Variants in NGEF observed in about 807,000 individuals in gnomAD.
NGEF encodes the protein ephexin-1.
Under a neutral mutation model 80.9 loss-of-function variants are expected in NGEF, and 31 were observed. The observed-to-expected ratio is 0.38, with a 90% CI of 0.29 to 0.52. The LOEUF (loss-of-function observed/expected upper bound fraction) is 0.52, where lower values mean the gene tolerates loss of function less well. Among genes scored for constraint, NGEF ranks in the 20% least tolerant of loss-of-function variants. The pLI, the probability that NGEF is intolerant of heterozygous loss-of-function variation, is 0.84. For missense variants in NGEF, 709 were observed against 926.2 expected, an observed-to-expected ratio of 0.77 and a Z score of 3.04; for synonymous variants, 371 against 370.2, an observed-to-expected ratio of 1.00 and a Z score of -0.03.
At chr2:232,905,711 G>A (rs896379227) in intron 5 of NGEF, 27 of 398,272 alleles carry the variant, frequency 6.8e-5, no homozygotes, top group African/African-American at 4.8e-4. Context: ...ATCTCCGCCC[G>A]GCCGCCCATC....
intron 5 of NGEF, among the ~76,000 whole-genome samples, chr2:232,896,541 G>T (rs1236372384): frequency 2.3e-5 from 3 of 130,270 alleles, no homozygotes; most frequent in Admixed American, 7.8e-5. Context: ...GGGGGTGAGG[G>T]TAGGGGTGAG....
chr2:232,906,366 C>T (rs1217282250), intron 5 of NGEF, among the ~76,000 whole-genome samples: 8 of 128,342 alleles, frequency 6.2e-5, no homozygotes, highest in African/African-American at 1.7e-4. Context: ...GCCCCCCGCC[C>T]GGCCAGCCGC....
chr2:232,975,516 TC>T (rs760163050), intron 1 of NGEF, among the ~76,000 whole-genome samples: 1 of 150,992 alleles, frequency 6.6e-6, no homozygotes, highest in Non-Finnish European at 1.5e-5. Context: ...AAGAATAAGG[TC>T]CCCCCATCCC....
chr2:232,929,300 T>C (rs1053861761), intron 3 of NGEF, among the ~76,000 whole-genome samples: 3 of 152,244 alleles, frequency 2.0e-5, no homozygotes, highest in Non-Finnish European at 4.4e-5. Flanking sequence ...ATTGTTTGGC[T>C]TTAATGGATC....
rs990978129 is a variant in NGEF at position 232,995,972 on chromosome 2, C to T, written c.-75+17096G>A. On this transcript the variant is annotated intron_variant, in intron 1 of 14. Coordinates refer to ENST00000264051, the MANE Select transcript of NGEF (RefSeq NM_019850.3). ...AAAAGAAAGAATAAAAGGGTGTGAG[C>T]GTAAAACTGAATGGGGGATAAGGTT... Among the ~76,000 whole-genome samples the T allele has an allele frequency of 5.3e-5, 8 of 151,400 alleles. No homozygotes were observed. The East Asian group carries it at 9.7e-4, about 18-fold the overall frequency.
intron 1 of NGEF, among the ~76,000 whole-genome samples, chr2:232,999,252 T>C (rs1375222747): frequency 1.3e-5 from 2 of 152,200 alleles, no homozygotes; most frequent in African/African-American, 4.8e-5. Context: ...CTTTTTAAAA[T>C]AGTTTTTACT....
chr2:232,891,296 C>T (rs1010271927), intron 8 of NGEF, 62 bp downstream of exon 8: 49 of 1,597,820 alleles, frequency 3.1e-5, no homozygotes, highest in Middle Eastern at 3.3e-4. Context: ...TGACAGGGCC[C>T]GGGAATGACC....
intron 1 of NGEF, among the ~76,000 whole-genome samples, chr2:232,995,926 A>G (rs1235748738): frequency 6.6e-6 from 1 of 151,542 alleles, no homozygotes; most frequent in Non-Finnish European, 1.5e-5. Flanking sequence ...TATCCAACAC[A>G]GCATAAATCC....
intron 3 of NGEF, among the ~76,000 whole-genome samples, chr2:232,950,760 C>T (rs1329188483): frequency 6.6e-6 from 1 of 152,188 alleles, no homozygotes; most frequent in East Asian, 1.9e-4. Context: ...GAGGTCCCCT[C>T]ACCACTGCCT....
intron 3 of NGEF, among the ~76,000 whole-genome samples, chr2:232,955,012 C>G (rs895944233): frequency 6.6e-6 from 1 of 151,986 alleles, no homozygotes; most frequent in East Asian, 1.9e-4. Flanking sequence ...TCGTAATACG[C>G]CTATTCATAT....
intron 5 of NGEF, among the ~76,000 whole-genome samples, chr2:232,905,067 T>TCCTCTCC (rs1212343137): frequency 2.0e-3 from 295 of 150,396 alleles, no homozygotes; most frequent in African/African-American, 6.8e-3. Context: ...CTCTCCTCTC[T>TCCTCTCC]CCTCTCCCCT....
intron 3 of NGEF, among the ~76,000 whole-genome samples, chr2:232,935,107 T>G (rs775183265): frequency 4.5e-4 from 68 of 152,238 alleles, no homozygotes; most frequent in Non-Finnish European, 7.6e-4. Context: ...CTAAAGATTA[T>G]TTTTTCCTTT....
At chr2:232,956,245 C>T in intron 3 of NGEF, among the ~76,000 whole-genome samples, 1 of 152,084 alleles carries the variant, frequency 6.6e-6, no homozygotes, top group East Asian at 1.9e-4. Context: ...CTGCTAAGGT[C>T]AGAACAGGTG....
intron 3 of NGEF, among the ~76,000 whole-genome samples, chr2:232,950,027 G>A (rs1693646977): frequency 6.6e-6 from 1 of 152,054 alleles, no homozygotes; most frequent in African/African-American, 2.4e-5. Context: ...GGCCAGGCTG[G>A]TCTCAAACTG....
chr2:232,973,223 C>T (rs1250283044), intron 2 of NGEF, among the ~76,000 whole-genome samples: 1 of 152,224 alleles, frequency 6.6e-6, no homozygotes, highest in Non-Finnish European at 1.5e-5. Context: ...TCCTCAAAGG[C>T]AGAGACCCCA....
chr2:232,896,660 G>A (rs1276519560), intron 5 of NGEF, among the ~76,000 whole-genome samples: 1 of 55,254 alleles, frequency 1.8e-5, no homozygotes, highest in Non-Finnish European at 3.4e-5. Flanking sequence ...GTTGGGGTGG[G>A]GGTAGGGGTG....
At position 232,892,776 on chromosome 2, in the gene NGEF, A is replaced by G; in HGVS notation, c.1142+122T>C. ...TGGCCAACTCCGGTGGCTCATGTGG[A>G]CCTTGGGAACGCAGAGGTAAAGGAC... is the stretch of plus-strand genomic sequence containing the variant. On this transcript the variant is annotated intron_variant, in intron 7 of 14. Transcript: ENST00000264051. This position sits in a 1 kb window ranked among gnomAD's most constrained non-coding sequence, Gnocchi z 4.0. 6.3e-6 allele frequency: 7 copies of G among 1,110,634 alleles called. No homozygotes were observed. The highest frequency in any genetic ancestry group is 9.1e-6 in the Non-Finnish European group (7 of 768,416). The allele number at this position is 1,110,634 out of a possible 1,614,324, so 68.8% of individuals were successfully genotyped here. A position where few individuals can be genotyped will look rare whatever the true frequency, so the allele number is the denominator to read the frequency against.
intron 5 of NGEF, among the ~76,000 whole-genome samples, chr2:232,900,597 T>C (rs1452755491): frequency 1.0e-4 from 8 of 76,252 alleles, no homozygotes; most frequent in African/African-American, 2.3e-4. Flanking sequence ...GTCACTCATA[T>C]ACACGTTCAC....
At chr2:232,916,616 A>C (rs1692808534) in intron 5 of NGEF, among the ~76,000 whole-genome samples, 2 of 152,260 alleles carry the variant, frequency 1.3e-5, no homozygotes, top group Non-Finnish European at 2.9e-5. Context: ...AAAGATGCTC[A>C]AATTTACAAG....
Sources: gnomAD v4.1 joint callset for allele counts (sites outside exome capture counted in the v4.1 genomes callset) on GRCh38, gnomAD v4.1.1 for gene constraint, Gnocchi (gnomAD v3.1) non-coding constraint, MANE v1.5 for transcripts, NCBI Gene and HGNC (gene_info 2026-07-23, HGNC 2026-07-21) for gene names.